ABTB2: variants seen among roughly 807,000 people sequenced by gnomAD.
ABTB2 encodes the protein ankyrin repeat and BTB domain containing 2, also known as ankyrin repeat and BTB/POZ domain-containing protein 2.
Under a neutral mutation model 104.1 loss-of-function variants are expected in ABTB2, and 56 were observed. The observed-to-expected ratio is 0.54, with a 90% confidence interval of 0.43 to 0.67. ABTB2 has a LOEUF of 0.67. Ranked by LOEUF, ABTB2 falls within the 30% of genes least tolerant of loss-of-function variation. The pLI, the probability that ABTB2 is intolerant of heterozygous loss-of-function variation, is 0.00. For missense variants in ABTB2, 1,279 were observed against 1,407.7 expected, an observed-to-expected ratio of 0.91 and a Z score of 1.46; for synonymous variants, 606 against 608.2, an observed-to-expected ratio of 1.00 and a Z score of 0.05.
chr11:34,334,936 T>C (rs1855176125), intron 1 of ABTB2, among the ~76,000 whole-genome samples: 2 of 152,212 alleles, frequency 1.3e-5, no homozygotes, highest in South Asian at 4.1e-4. Flanking sequence ...ATGTATTCAA[T>C]GATATGAATA....
chr11:34,286,439 C>T (rs1024498894), intron 1 of ABTB2, among the ~76,000 whole-genome samples: 2 of 152,090 alleles, frequency 1.3e-5, no homozygotes, highest in Non-Finnish European at 1.5e-5. Flanking sequence ...ATTACAGGCA[C>T]CCGCCACCAC....
intron 1 of ABTB2, among the ~76,000 whole-genome samples, chr11:34,244,552 T>C (rs1485140434): frequency 6.6e-6 from 1 of 152,210 alleles, no homozygotes; most frequent in Non-Finnish European, 1.5e-5. Context: ...ATGAAGATCA[T>C]TTCATTTAAT....
At chr11:34,234,529 G>A (rs1304203355) in intron 1 of ABTB2, among the ~76,000 whole-genome samples, 6 of 152,328 alleles carry the variant, frequency 3.9e-5, no homozygotes, top group African/African-American at 1.4e-4. Flanking sequence ...TGGTTCCACT[G>A]CTCAGAGGAG....
At chr11:34,269,449 C>A (rs149337201) in intron 1 of ABTB2, among the ~76,000 whole-genome samples, 1 of 152,318 alleles carries the variant, frequency 6.6e-6, no homozygotes, top group East Asian at 1.9e-4. Context: ...GGGGATTCAG[C>A]CTCTGCCCCT....
At chr11:34,184,049 G>A (rs537656439) in intron 3 of ABTB2, among the ~76,000 whole-genome samples, 1 of 148,734 alleles carries the variant, frequency 6.7e-6, no homozygotes, top group African/African-American at 2.5e-5. Flanking sequence ...ACCAGGCCTG[G>A]CTAATTTTTA....
At chr11:34,254,670 CTTTT>C (rs57784717) in intron 1 of ABTB2, among the ~76,000 whole-genome samples, 3 of 127,672 alleles carry the variant, frequency 2.3e-5, no homozygotes, top group East Asian at 2.3e-4. Context: ...ATATTAGAAA[CTTTT>C]TTTTTTTTTT....
rs138917421 is a variant in ABTB2 at position 34,220,055 on chromosome 11, A to G, written c.884-15365T>C. On this transcript the variant is annotated intron_variant, in intron 1 of 16. Transcript: ENST00000435224. The stretch of plus-strand genomic sequence containing the variant: ...TCTCATAGTTAAGCAACAATATGCA[A>G]TACCAGAGGGACTGAAGGGGTGGAG... Among the ~76,000 whole-genome samples the G allele has an allele frequency of 9.0e-3, 1,377 of 152,362 alleles. 37 individuals carry two copies. Among genetic ancestry groups the G allele is most frequent in the Admixed American group, 0.058 (895 of 15,302 alleles).
In ABTB2 at chr11:34,357,367, T is replaced by C; in HGVS notation, c.217A>G (p.Thr73Ala). 6.5e-7 allele frequency: 1 copy of C among 1,541,598 alleles called. No homozygotes were observed. The highest frequency in any genetic ancestry group is 8.8e-7 in the Non-Finnish European group (1 of 1,140,656). ...ACTTCGGGGTCCTCGGGCAGCACCGTGTTCACCGTGTCCCAGCTGTTGTGG... is the reference window on the plus strand; with the variant it reads ...ACTTCGGGGTCCTCGGGCAGCACCGCGTTCACCGTGTCCCAGCTGTTGTGG... ...SRHNSWDTVN[T>A]VLPEDPEVAD... The change falls in exon 1 of 17, where the codon ACG (threonine) becomes GCG (alanine). Residue 73 changes from threonine to alanine, a missense_variant. Coordinates refer to ENST00000435224, the MANE Select transcript of ABTB2 (RefSeq NM_145804.3).
chr11:34,282,179 T>C (rs543381682), intron 1 of ABTB2, among the ~76,000 whole-genome samples: 2 of 152,278 alleles, frequency 1.3e-5, no homozygotes, highest in South Asian at 2.1e-4. Flanking sequence ...GAAGCAGCTC[T>C]CTGGGGCCTC....
At chr11:34,193,594 C>T (rs903862503) in intron 3 of ABTB2, among the ~76,000 whole-genome samples, 3 of 152,234 alleles carry the variant, frequency 2.0e-5, no homozygotes, top group African/African-American at 4.8e-5. Context: ...ACTTGTGAAA[C>T]GGAGGTAATG....
At chr11:34,195,085 G>GGGGGGGGGC (rs1565137675) in intron 3 of ABTB2, among the ~76,000 whole-genome samples, 1 of 77,596 alleles carries the variant, frequency 1.3e-5, no homozygotes, top group Non-Finnish European at 3.1e-5. Flanking sequence ...CGGGGGGGGG[G>GGGGGGGGGC]AGTGGGGGCG....
At chr11:34,342,866 ATTCAC>A (rs1285574587) in intron 1 of ABTB2, among the ~76,000 whole-genome samples, 1 of 152,204 alleles carries the variant, frequency 6.6e-6, no homozygotes, top group African/African-American at 2.4e-5. Context: ...GAATCACAGT[ATTCAC>A]TTCATTTACC....
intron 1 of ABTB2, among the ~76,000 whole-genome samples, chr11:34,281,755 TACCTTC>T: frequency 6.6e-6 from 1 of 152,366 alleles, no homozygotes; most frequent in East Asian, 1.9e-4. Context: ...AAGCAAGGCT[TACCTTC>T]ACCTTCTAGC....
chr11:34,342,957 AT>A (rs879288133), intron 1 of ABTB2, among the ~76,000 whole-genome samples: 1 of 148,218 alleles, frequency 6.7e-6, no homozygotes, highest in African/African-American at 2.5e-5. Flanking sequence ...TTATTTATTT[AT>A]TTATTCGTTC....
At chr11:34,203,020 G>A (rs541778198) in intron 2 of ABTB2, among the ~76,000 whole-genome samples, 1 of 152,256 alleles carries the variant, frequency 6.6e-6, no homozygotes, top group South Asian at 2.1e-4. Context: ...GCCTCTAAAT[G>A]CTCCTCCCTT....
At chr11:34,354,152 G>C (rs1355136205) in intron 1 of ABTB2, among the ~76,000 whole-genome samples, 2 of 152,146 alleles carry the variant, frequency 1.3e-5, no homozygotes, top group African/African-American at 2.4e-5. Flanking sequence ...GGAAGTGAAT[G>C]GTCACCTCGC....
intron 3 of ABTB2, among the ~76,000 whole-genome samples, chr11:34,182,438 C>G (rs1025273991): frequency 6.9e-6 from 1 of 145,638 alleles, no homozygotes; most frequent in Non-Finnish European, 1.5e-5. Flanking sequence ...GCTGAGCCCA[C>G]AGCAGAATCT....
Position 34,156,682 on chromosome 11 carries a change from G to A in ABTB2, c.2698-1913C>T, listed in dbSNP as rs888093828. On this transcript the variant is annotated intron_variant, in intron 14 of 16. Transcript: ENST00000435224. ...GGGATTATGCAGCATGCACCACCAC[G>A]CCCAGCTAATTTTGTATTTTTAGTA... Among the ~76,000 whole-genome samples, 13 of 152,062 alleles carry A rather than the reference G, an allele frequency of 8.5e-5. No individual in the cohort carries two copies. The South Asian group carries it at 2.7e-3, about 32-fold the overall frequency.
At chr11:34,169,343 C>A (rs747445001) in intron 5 of ABTB2, among the ~76,000 whole-genome samples, 1 of 152,236 alleles carries the variant, frequency 6.6e-6, no homozygotes, top group Admixed American at 6.5e-5. Context: ...AACAGCAATA[C>A]GACTACAATA....
Sources: allele counts gnomAD v4.1 joint callset (sites outside exome capture counted in the v4.1 genomes callset), GRCh38; gene constraint gnomAD v4.1.1; transcripts MANE v1.5; gene names NCBI Gene and HGNC (gene_info 2026-07-23, HGNC 2026-07-21).